Variants in YWHAE observed in about 807,000 individuals in gnomAD.
YWHAE encodes the protein 14-3-3 protein epsilon.
Under a neutral mutation model 30.1 loss-of-function variants are expected in YWHAE, and 4 were observed. The observed-to-expected ratio is 0.13, with a 90% CI of 0.07 to 0.30. The LOEUF (loss-of-function observed/expected upper bound fraction) is 0.30, where lower values mean the gene tolerates loss of function less well. Among genes scored for constraint, YWHAE ranks in the 10% least tolerant of loss-of-function variants. YWHAE has a pLI of 1.00. For synonymous variants in YWHAE, 118 were observed against 111.8 expected (o/e 1.06, Z -0.35); for missense variants, 121 against 315.9 (o/e 0.38, Z 4.68).
At chr17:1,370,325 GT>G (rs1272111298) in intron 1 of YWHAE, among the ~76,000 whole-genome samples, 2 of 151,582 alleles carry the variant, frequency 1.3e-5, no homozygotes, top group Admixed American at 6.6e-5. Context: ...TAGAGGCGGG[GT>G]TTCACCATGT....
At chr17:1,390,884 C>A (rs2073379885) in intron 1 of YWHAE, among the ~76,000 whole-genome samples, 1 of 152,080 alleles carries the variant, frequency 6.6e-6, no homozygotes, top group Admixed American at 6.6e-5. Context: ...AAGAGATAAG[C>A]CAGGATCATG....
intron 1 of YWHAE, among the ~76,000 whole-genome samples, chr17:1,384,396 A>G (rs1040705535): frequency 3.3e-5 from 5 of 151,482 alleles, no homozygotes; most frequent in South Asian, 2.1e-4. Context: ...ACACATGTAA[A>G]AAGATTTATG....
At chr17:1,373,912 G>A (rs1430410678) in intron 1 of YWHAE, among the ~76,000 whole-genome samples, 6 of 152,088 alleles carry the variant, frequency 3.9e-5, no homozygotes, top group Middle Eastern at 3.2e-3. Context: ...ACAACCTACC[G>A]TATGGAGTCG....
chr17:1,382,083 C>T (rs2150869018), intron 1 of YWHAE, among the ~76,000 whole-genome samples: 1 of 152,264 alleles, frequency 6.6e-6, no homozygotes, highest in Middle Eastern at 3.4e-3. Flanking sequence ...GAGTCTCGCT[C>T]TGTCACCCAG....
Position 1,357,819 on chromosome 17 carries a change from T to A in YWHAE, c.578+3273A>T, listed in dbSNP as rs192595868. ...GCGGGCGTCTGTAATCCCAGCTACC[T>A]GGGAGGCTGAAGCAGGAGAATCGCT... On this transcript the variant is annotated intron_variant, in intron 4 of 5. Coordinates refer to ENST00000264335, the MANE Select transcript of YWHAE (RefSeq NM_006761.5). 1.5e-3 allele frequency among the ~76,000 whole-genome samples: 219 copies of A among 150,964 alleles called. 1 individual carries two copies. The highest frequency in any genetic ancestry group is 5.0e-3 in the African/African-American group (206 of 41,034).
rs1489640255 is a variant in YWHAE, at chr17:1,359,886, GGAGAGGGAGACGGGGAGA to G, written c.578+1188_578+1205del. Among the ~76,000 whole-genome samples, 17 of 133,838 alleles carry G rather than the reference GGAGAGGGAGACGGGGAGA, an allele frequency of 1.3e-4. No individual in the cohort carries two copies. In the East Asian group the frequency reaches 3.4e-3, roughly 27 times the overall value. The allele number at this position is 133,838 out of a possible 152,430, so 87.8% of individuals were successfully genotyped here. A position where few individuals can be genotyped will look rare whatever the true frequency, so the allele number is the denominator to read the frequency against. ...TCTCGCTTTGTCGCCCAGGCGAGAG[GGAGAGGGAGACGGGGAGA>G]GAGAGGGAGACGGGGAGGGGGAGGG... On this transcript the variant is annotated intron_variant, in intron 4 of 5. Transcript: ENST00000264335.
chr17:1,365,108 A>C, intron 1 of YWHAE, 50 bp from the exon 2 acceptor site: 1 of 1,560,878 alleles, frequency 6.4e-7, no homozygotes, highest in South Asian at 1.2e-5. Context: ...AGTTTTCTTA[A>C]CATATTCCTT....
chr17:1,348,423 G>A (rs2072562273), intron 5 of YWHAE, among the ~76,000 whole-genome samples: 1 of 152,112 alleles, frequency 6.6e-6, no homozygotes, highest in Non-Finnish European at 1.5e-5. Context: ...GTTCCAACAT[G>A]CTGGGACAGA....
chr17:1,395,276 C>T lies in YWHAE; in HGVS notation c.64+4771G>A, dbSNP rs142004716. ...GGTGCGGTGGCTCACACCTGTAATC[C>T]CAGCAGTTTGGGAGGCTGAGGTGGG... On this transcript the variant is annotated intron_variant, in intron 1 of 5. Coordinates refer to ENST00000264335, the MANE Select transcript of YWHAE (RefSeq NM_006761.5). Among the ~76,000 whole-genome samples, 501 of 152,200 alleles carry T rather than the reference C, an allele frequency of 3.3e-3. 5 individuals carry two copies. Among genetic ancestry groups the T allele is most frequent in the African/African-American group, 0.011 (477 of 41,512 alleles).
intron 2 of YWHAE, among the ~76,000 whole-genome samples, chr17:1,363,597 T>A (rs911034467): frequency 1.2e-4 from 19 of 152,164 alleles, no homozygotes; most frequent in African/African-American, 4.6e-4. Context: ...ACCTCAGGTA[T>A]GTCAAACACC....
Position 1,344,441 on chromosome 17 carries a change from AAAAAG to A in YWHAE, c.*1001_*1005del, listed in dbSNP as rs1267015162. 5.5e-6 allele frequency: 1 copy of A among 181,750 alleles called. No homozygotes were observed. The highest frequency in any genetic ancestry group is 2.4e-5 in the African/African-American group (1 of 42,484). The allele number at this position is 181,750 out of a possible 1,614,324, so 11.3% of individuals were successfully genotyped here. A position where few individuals can be genotyped will look rare whatever the true frequency, so the allele number is the denominator to read the frequency against. On this transcript the variant is annotated 3_prime_UTR_variant, in exon 6 of 6. Coordinates refer to ENST00000264335, the MANE Select transcript of YWHAE (RefSeq NM_006761.5). ...AAGCAAACAAATTATTTATGGAAGA[AAAAAG>A]GAGGAATGTTTCACATTCAGGCAAA...
intron 4 of YWHAE, among the ~76,000 whole-genome samples, chr17:1,358,109 C>T (rs2072789279): frequency 6.6e-6 from 1 of 151,976 alleles, no homozygotes; most frequent in Admixed American, 6.6e-5. Flanking sequence ...GGCAAAAGGG[C>T]CTGGTGCAGT....
At chr17:1,382,097 G>A (rs2073220065) in intron 1 of YWHAE, among the ~76,000 whole-genome samples, 1 of 151,666 alleles carries the variant, frequency 6.6e-6, no homozygotes, top group Admixed American at 6.6e-5. Flanking sequence ...CACCCAGGCT[G>A]GAGTGCAGTG....
At chr17:1,370,213 G>A (rs1196890673) in intron 1 of YWHAE, among the ~76,000 whole-genome samples, 6 of 129,044 alleles carry the variant, frequency 4.6e-5, no homozygotes, top group Non-Finnish European at 6.2e-5. Context: ...TGCAAGCTCC[G>A]CCTCCCAGGT....
chr17:1,353,452 A>AAG (rs1555638843), intron 5 of YWHAE, among the ~76,000 whole-genome samples: 31 of 105,770 alleles, frequency 2.9e-4, no homozygotes, highest in East Asian at 8.2e-4. Context: ...AAAAAAAAAG[A>AAG]AAAGAAAAGA....
intron 4 of YWHAE, among the ~76,000 whole-genome samples, chr17:1,357,932 GAA>G (rs929693165): frequency 5.7e-5 from 8 of 140,434 alleles, no homozygotes; most frequent in Admixed American, 4.3e-4. Flanking sequence ...CCTCTCGGGG[GAA>G]AAAAAAAAAG....
intron 4 of YWHAE, among the ~76,000 whole-genome samples, chr17:1,357,928 G>A (rs569889986): frequency 4.0e-5 from 6 of 150,680 alleles, no homozygotes; most frequent in Admixed American, 3.3e-4. Flanking sequence ...CTCTCCTCTC[G>A]GGGGAAAAAA....
In YWHAE at chr17:1,345,408, G is replaced by A; in HGVS notation, c.*39C>T. ...TTTCCAAAGGGTGGGATGGGGAGGA[G>A]GGGGTGGTCAGAGATGGTTTCTCTT... On this transcript the variant is annotated 3_prime_UTR_variant, in exon 6 of 6. Coordinates refer to ENST00000264335, the MANE Select transcript of YWHAE (RefSeq NM_006761.5). 4 of 1,608,196 alleles carry A rather than the reference G, an allele frequency of 2.5e-6. No homozygotes were observed. Among genetic ancestry groups the A allele is most frequent in the East Asian group, 4.5e-5 (2 of 44,850 alleles).
intron 2 of YWHAE, among the ~76,000 whole-genome samples, chr17:1,364,596 A>G (rs1187714473): frequency 1.3e-5 from 2 of 152,148 alleles, no homozygotes; most frequent in Non-Finnish European, 2.9e-5. Context: ...CTTATCCAAG[A>G]GGGATCCATT....
Sources: allele counts gnomAD v4.1 joint callset (sites outside exome capture counted in the v4.1 genomes callset), GRCh38; gene constraint gnomAD v4.1.1; transcripts MANE v1.5; gene names NCBI Gene and HGNC (gene_info 2026-07-23, HGNC 2026-07-21).